SEC24D: variants seen among roughly 807,000 people sequenced by gnomAD.
SEC24D encodes the protein protein transport protein Sec24D.
SEC24D carries 69 observed loss-of-function variants against 116.9 expected under a neutral mutation model. The ratio of observed to expected loss-of-function variants is 0.59; its 90% CI spans 0.49 to 0.72. The LOEUF (loss-of-function observed/expected upper bound fraction) is 0.72. SEC24D is among the 30% of genes least tolerant of loss of function. SEC24D has a pLI of 0.00. For synonymous variants in SEC24D, 405 were observed against 442.8 expected (o/e 0.91, Z 1.07); for missense variants, 1,131 against 1,264.1 (o/e 0.89, Z 1.60).
At chr4:118,763,051 CTTACA>C (rs1210108912) in intron 10 of SEC24D, among the ~76,000 whole-genome samples, 1 of 152,184 alleles carries the variant, frequency 6.6e-6, no homozygotes, top group Non-Finnish European at 1.5e-5. Flanking sequence ...CAATGGCTTT[CTTACA>C]TTGAATTAAA....
At chr4:118,828,876 C>A (rs191679886) in intron 2 of SEC24D, among the ~76,000 whole-genome samples, 4 of 152,316 alleles carry the variant, frequency 2.6e-5, no homozygotes, top group Admixed American at 6.5e-5. Flanking sequence ...CATCTCTCAC[C>A]GTTCCCATGC....
chr4:118,750,068 A>C lies in SEC24D; in HGVS notation c.1707+1928T>G, dbSNP rs151108416. On this transcript the variant is annotated intron_variant, in intron 13 of 22. Transcript: ENST00000280551. ...GGTAAAAATATGCATTACTATAACA[A>C]TAAAATTGCAAATATAACAAAAAAT... Among the ~76,000 whole-genome samples the C allele has an allele frequency of 9.0e-4, 137 of 152,328 alleles. No individual in the cohort carries two copies. The Middle Eastern group carries it at 0.02, about 23-fold the overall frequency.
At chr4:118,777,123 ATTTT>A (rs1728173278) in intron 8 of SEC24D, among the ~76,000 whole-genome samples, 1 of 141,062 alleles carries the variant, frequency 7.1e-6, no homozygotes, top group South Asian at 2.3e-4. Flanking sequence ...TTATTTATTT[ATTTT>A]TATTATACTT....
At chr4:118,825,450 C>T in intron 2 of SEC24D, 1 of 420,020 alleles carries the variant, frequency 2.4e-6, no homozygotes. Context: ...CCTTTAAAGA[C>T]TTCTCTTTGG....
intron 3 of SEC24D, among the ~76,000 whole-genome samples, chr4:118,823,644 G>A (rs1442978728): frequency 6.6e-6 from 1 of 152,228 alleles, no homozygotes; most frequent in African/African-American, 2.4e-5. Flanking sequence ...AAACAATAAT[G>A]GGATTTCTAA....
chr4:118,795,575 T>TA (rs1163184966), intron 8 of SEC24D, among the ~76,000 whole-genome samples: 1 of 151,982 alleles, frequency 6.6e-6, no homozygotes, highest in Non-Finnish European at 1.5e-5. Context: ...TATTCAGCAA[T>TA]AAAAAAGAAA....
rs111717894 is a variant in SEC24D at position 118,771,598 on chromosome 4, GACC to G, written c.1042-3290_1042-3288del. Among the ~76,000 whole-genome samples, 445 of 151,628 alleles carry G rather than the reference GACC, an allele frequency of 2.9e-3. 3 individuals are homozygous for G. Among genetic ancestry groups the G allele is most frequent in the African/African-American group, 0.01 (424 of 41,490 alleles). ...TGTATATAAACACTGGTTGATTTTG[GACC>G]ACAAGTGAGAATATCATTCTACGAA... On this transcript the variant is annotated intron_variant, in intron 8 of 22. Coordinates refer to ENST00000280551, the MANE Select transcript of SEC24D (RefSeq NM_014822.4).
chr4:118,774,773 C>T (rs1157323372), intron 8 of SEC24D, among the ~76,000 whole-genome samples: 3 of 152,106 alleles, frequency 2.0e-5, no homozygotes, highest in Admixed American at 1.3e-4. Flanking sequence ...CTGCCATATA[C>T]CTTTGCATCT....
At chr4:118,724,293 A>T (rs1183579427) in intron 22 of SEC24D, among the ~76,000 whole-genome samples, 1 of 152,110 alleles carries the variant, frequency 6.6e-6, no homozygotes, top group East Asian at 1.9e-4. Flanking sequence ...GAAAACAGGG[A>T]GAACTCCTGT....
At chr4:118,768,417 CAG>C (rs1431212987) in intron 8 of SEC24D, 106 bp from the exon 9 acceptor site, 11 of 669,998 alleles carry the variant, frequency 1.6e-5, no homozygotes, top group South Asian at 2.0e-5. Flanking sequence ...TTTTTTGAGA[CAG>C]AGTCTTGCTC....
intron 8 of SEC24D, among the ~76,000 whole-genome samples, chr4:118,792,178 AC>A (rs1464663327): frequency 3.4e-5 from 5 of 146,938 alleles, no homozygotes; most frequent in Admixed American, 6.7e-5. Flanking sequence ...CCCCGCCGCC[AC>A]CCCGTCTGGG....
chr4:118,743,346 T>C (rs1210997174), intron 15 of SEC24D, among the ~76,000 whole-genome samples: 2 of 85,352 alleles, frequency 2.3e-5, no homozygotes, highest in African/African-American at 3.3e-5. Context: ...ATGGTTCCTA[T>C]ATATATATAT....
chr4:118,811,845 A>C (rs1439538689), intron 6 of SEC24D, among the ~76,000 whole-genome samples: 1 of 152,248 alleles, frequency 6.6e-6, no homozygotes, highest in African/African-American at 2.4e-5. Flanking sequence ...AGTATTACAA[A>C]TCTTCAACTT....
intron 8 of SEC24D, among the ~76,000 whole-genome samples, chr4:118,793,324 G>A (rs1170688463): frequency 1.1e-4 from 16 of 151,308 alleles, no homozygotes; most frequent in African/African-American, 3.6e-4. Context: ...AAAATTAGCC[G>A]GGCGTAGTGG....
At chr4:118,816,415 T>C (rs2110525742) in intron 4 of SEC24D, among the ~76,000 whole-genome samples, 1 of 152,276 alleles carries the variant, frequency 6.6e-6, no homozygotes, top group East Asian at 1.9e-4. Context: ...AAATTGCACA[T>C]TCAATAAATT....
chr4:118,795,756 G>A (rs995308690), intron 8 of SEC24D, among the ~76,000 whole-genome samples: 6 of 152,302 alleles, frequency 3.9e-5, no homozygotes, highest in Admixed American at 1.3e-4. Flanking sequence ...CCAGGGAAGG[G>A]AGGTTATGTG....
At position 118,790,729 on chromosome 4, in the gene SEC24D, T is replaced by TAAAA. The variant is rs1728859492; in HGVS notation, c.1041+6953_1041+6954insTTTT. Among the ~76,000 whole-genome samples the TAAAA allele has an allele frequency of 3.9e-5, 6 of 151,930 alleles. No homozygotes were observed. The South Asian group carries it at 1.3e-3, about 32-fold the overall frequency. ...AAACCGCTTGGGTTAGGTTTATTTT[T>TAAAA]ATAGGCCGTTGCTAACACAATAGCA... On this transcript the variant is annotated intron_variant, in intron 8 of 22. Transcript: ENST00000280551.
chr4:118,769,439 C>T (rs2110474529), intron 8 of SEC24D, among the ~76,000 whole-genome samples: 1 of 152,190 alleles, frequency 6.6e-6, no homozygotes, highest in East Asian at 1.9e-4. Context: ...GAATTGCAGG[C>T]TTTGGCATGT....
At chr4:118,741,066 AC>A in intron 15 of SEC24D, 29 bp from the exon 16 acceptor site, 1 of 1,160,036 alleles carries the variant, frequency 8.6e-7, no homozygotes, top group South Asian at 1.4e-5. Context: ...ATCAATGTCC[AC>A]CAGATGGCAG....
Sources: allele counts gnomAD v4.1 joint callset (sites outside exome capture counted in the v4.1 genomes callset), GRCh38; gene constraint gnomAD v4.1.1; transcripts MANE v1.5; gene names NCBI Gene and HGNC (gene_info 2026-07-23, HGNC 2026-07-21).